Variants in NELFA observed in about 807,000 individuals in gnomAD.
NELFA encodes the protein negative elongation factor complex member A.
A neutral mutation model predicts 51.8 loss-of-function variants in NELFA; 35 were observed. The observed-to-expected ratio is 0.68, with a 90% CI of 0.52 to 0.90. The LOEUF (loss-of-function observed/expected upper bound fraction) is 0.90. NELFA is among the 40% of genes least tolerant of loss of function. The pLI is 0.00. For synonymous variants in NELFA, 417 were observed against 338.4 expected (o/e 1.23, Z -2.55); for missense variants, 658 against 746.4 (o/e 0.88, Z 1.38).
At chr4:1,986,026 G>T in intron 6 of NELFA, 88 bp downstream of exon 6, 17 of 1,458,880 alleles carry the variant, frequency 1.2e-5, no homozygotes, top group Non-Finnish European at 1.4e-5. Context: ...GCACAGCCCT[G>T]CCCGCCGAGC....
In NELFA at chr4:1,989,948, C is replaced by A; in HGVS notation, c.383-79G>T. The A allele has an allele frequency of 6.6e-7, 1 of 1,521,560 alleles. No individual in the cohort carries two copies. Among genetic ancestry groups the A allele is most frequent in the African/African-American group, 1.4e-5 (1 of 72,350 alleles). The allele number at this position is 1,521,560 out of a possible 1,614,324, so 94.3% of individuals were successfully genotyped here. A position where few individuals can be genotyped will look rare whatever the true frequency, so the allele number is the denominator to read the frequency against. ...CTGAGAGGAGCTGGCGGCTGCCCAGCCCCACACCCTCCTCAGTTAGGGTTA... is the reference window on the plus strand; with the variant it reads ...CTGAGAGGAGCTGGCGGCTGCCCAGACCCACACCCTCCTCAGTTAGGGTTA... On this transcript the variant is annotated intron_variant, in intron 2 of 10. Coordinates refer to ENST00000382882, the MANE Select transcript of NELFA (RefSeq NM_005663.5). The surrounding 1 kb of genome is among the most constrained non-coding windows in gnomAD (Gnocchi z 4.8).
At chr4:1,991,471 C>A in intron 2 of NELFA, 73 bp downstream of exon 2, 1 of 1,526,186 alleles carries the variant, frequency 6.6e-7, no homozygotes, top group Non-Finnish European at 9.0e-7. Flanking sequence ...AAATCAAATT[C>A]ATTTCAGAAA....
chr4:2,006,435 C>T (rs1284462135), intron 1 of NELFA, among the ~76,000 whole-genome samples: 2 of 152,136 alleles, frequency 1.3e-5, no homozygotes, highest in East Asian at 1.9e-4. Flanking sequence ...CGGATGAATA[C>T]ACCATCTATG....
chr4:2,004,693 G>T (rs1337759269), intron 1 of NELFA, among the ~76,000 whole-genome samples: 2 of 149,308 alleles, frequency 1.3e-5, no homozygotes, highest in Non-Finnish European at 3.0e-5. Context: ...TCACCATATT[G>T]CTCAGGCTGA....
chr4:2,008,755 C>T lies in NELFA; in HGVS notation c.205G>A (p.Asp69Asn), dbSNP rs1445132095. The T allele has an allele frequency of 1.2e-6, 2 of 1,608,358 alleles. No homozygotes were observed. The highest frequency in any genetic ancestry group is 1.7e-5 in the Admixed American group (1 of 59,418). ...GGGCGCCACGCCTGCCTTACCTCGT[C>T]CACCGTGCGGCGCGGGAGGTGCAGC... ...GTLHLPRRTV[D>N]EMKGALMEII... Residue 69 changes from aspartate to asparagine, a missense_variant, in exon 1 of 11, where the codon GAC (aspartate) becomes AAC (asparagine). Coordinates refer to ENST00000382882, the MANE Select transcript of NELFA (RefSeq NM_005663.5).
At chr4:1,993,795 CTTTTTTTTTT>C (rs1202916976) in intron 1 of NELFA, among the ~76,000 whole-genome samples, 1 of 118,944 alleles carries the variant, frequency 8.4e-6, no homozygotes, top group Non-Finnish European at 1.7e-5. Context: ...TCCCCTGGGC[CTTTTTTTTTT>C]TTTTTTTTTG....
chr4:2,008,114 T>C (rs1728759745), intron 1 of NELFA: 39 of 443,178 alleles, frequency 8.8e-5, no homozygotes, highest in South Asian at 6.1e-4. Context: ...GGCCGCCCCT[T>C]CCTCACGCGG....
intron 1 of NELFA, chr4:2,003,718 A>C (rs1728634032): frequency 1.3e-5 from 2 of 150,840 alleles, no homozygotes; most frequent in Admixed American, 6.6e-5. Context: ...AACAACACAC[A>C]CCAGGGCCTA....
At chr4:1,999,405 T>A (rs1219141125) in intron 1 of NELFA, among the ~76,000 whole-genome samples, 1 of 152,046 alleles carries the variant, frequency 6.6e-6, no homozygotes, top group African/African-American at 2.4e-5. Context: ...AGACTCATCT[T>A]ACACGCAAAG....
intron 1 of NELFA, among the ~76,000 whole-genome samples, chr4:2,000,601 G>A (rs1399819789): frequency 6.6e-6 from 1 of 152,120 alleles, no homozygotes; most frequent in Admixed American, 6.5e-5. Flanking sequence ...ACTAAACCAG[G>A]AAGAAGTCGA....
chr4:1,984,592 T>C (rs1161966909), intron 8 of NELFA, among the ~76,000 whole-genome samples: 3 of 152,336 alleles, frequency 2.0e-5, no homozygotes, highest in East Asian at 3.9e-4. Context: ...GCTGCCTGTC[T>C]GTGCCCAGGA....
chr4:2,004,578 C>T (rs1294644902), intron 1 of NELFA, among the ~76,000 whole-genome samples: 1 of 151,796 alleles, frequency 6.6e-6, no homozygotes, highest in African/African-American at 2.4e-5. Flanking sequence ...TCCTCAACCT[C>T]CCAGGCTCAA....
intron 1 of NELFA, chr4:2,003,754 A>C (rs192908231): frequency 6.6e-6 from 1 of 152,210 alleles, no homozygotes; most frequent in Non-Finnish European, 1.5e-5. Context: ...AGGGGAGGGA[A>C]CTTAAAGGAC....
chr4:1,986,225 G>A (rs752852498), intron 5 of NELFA, 42 bp from the exon 6 acceptor site: 2 of 1,562,338 alleles, frequency 1.3e-6, no homozygotes, highest in Non-Finnish European at 8.7e-7. Context: ...ACGGCACCAG[G>A]GCGCAACGGG....
At chr4:2,007,979 T>C (rs375832958) in intron 1 of NELFA, 5 of 456,992 alleles carry the variant, frequency 1.1e-5, no homozygotes, top group Non-Finnish European at 2.2e-5. Flanking sequence ...CACCCACTTA[T>C]TGGAATGACG....
intron 1 of NELFA, among the ~76,000 whole-genome samples, chr4:2,000,314 C>T (rs528044797): frequency 3.1e-4 from 47 of 151,966 alleles, no homozygotes; most frequent in Non-Finnish European, 1.0e-4. Context: ...CATAGAGACA[C>T]GAAAAACCCT....
At chr4:2,007,855 G>A (rs1228772443) in intron 1 of NELFA, 1 of 405,092 alleles carries the variant, frequency 2.5e-6, no homozygotes, top group South Asian at 1.8e-5. Flanking sequence ...TACATCAGTA[G>A]CCAGGAACGT....
chr4:1,993,969 C>A (rs1159789374), intron 1 of NELFA, among the ~76,000 whole-genome samples: 5 of 152,156 alleles, frequency 3.3e-5, no homozygotes, highest in Non-Finnish European at 5.9e-5. Flanking sequence ...CCGGCCCAGG[C>A]CTACCTTGTA....
At chr4:2,002,070 G>A (rs556535127) in intron 1 of NELFA, among the ~76,000 whole-genome samples, 16 of 150,092 alleles carry the variant, frequency 1.1e-4, no homozygotes, top group African/African-American at 3.2e-4. Context: ...CATGGTGGCG[G>A]GCGCCTGTAG....
Sources: allele counts gnomAD v4.1 joint callset (sites outside exome capture counted in the v4.1 genomes callset), GRCh38; gene constraint gnomAD v4.1.1; non-coding constraint Gnocchi (gnomAD v3.1); transcripts MANE v1.5; gene names NCBI Gene and HGNC (gene_info 2026-07-23, HGNC 2026-07-21).